Variants in VPS8 observed in about 807,000 individuals in gnomAD.
VPS8 encodes VPS8 subunit of CORVET complex.
VPS8 carries 129 observed loss-of-function variants against 216.4 expected under a neutral mutation model. That is an observed-to-expected ratio of 0.60 (90% confidence interval 0.52 to 0.69). VPS8 has a LOEUF of 0.69. Ranked by LOEUF, VPS8 falls within the 30% of genes least tolerant of loss-of-function variation. The probability of loss-of-function intolerance (pLI) is 0.00; values close to 1 mark genes in which losing one functional copy is unlikely to be tolerated. For synonymous variants in VPS8, 571 were observed against 565.4 expected (o/e 1.01, Z -0.14); for missense variants, 1,531 against 1,683.5 (o/e 0.91, Z 1.59).
At chr3:184,926,328 G>T (rs1739628359) in intron 30 of VPS8, among the ~76,000 whole-genome samples, 1 of 151,744 alleles carries the variant, frequency 6.6e-6, no homozygotes, top group African/African-American at 2.4e-5. Context: ...AGTGAACTGA[G>T]ATCGCGCCAC....
intron 36 of VPS8, among the ~76,000 whole-genome samples, chr3:184,954,018 G>A (rs1298775283): frequency 6.6e-6 from 1 of 152,178 alleles, no homozygotes; most frequent in South Asian, 2.1e-4. Context: ...TGACCAACTA[G>A]GACTTTAAAT....
At chr3:184,936,375 G>A (rs1330725022) in intron 35 of VPS8, 40 bp downstream of exon 35, 1 of 1,521,970 alleles carries the variant, frequency 6.6e-7, no homozygotes, top group Admixed American at 1.9e-5. Context: ...AATATCTAGT[G>A]GAAAGACAAT....
chr3:184,849,921 T>C lies in VPS8; in HGVS notation c.667-15T>C. The C allele has an allele frequency of 6.2e-7, 1 of 1,604,656 alleles. No individual in the cohort carries two copies. The highest frequency in any genetic ancestry group is 8.5e-7 in the Non-Finnish European group (1 of 1,175,410). On this transcript the variant is annotated splice_polypyrimidine_tract_variant and intron_variant, in intron 9 of 47. Coordinates refer to ENST00000625842, the MANE Select transcript of VPS8 (RefSeq NM_001009921.3). ...AGCAATAAATTTGTTTTTGAAGCAC[T>C]TAGTTGTCTTATAGATCACCATGTG...
At chr3:184,892,554 A>T (rs933515971) in intron 22 of VPS8, among the ~76,000 whole-genome samples, 17 of 152,128 alleles carry the variant, frequency 1.1e-4, no homozygotes, top group Admixed American at 9.2e-4. Flanking sequence ...CTCTTTCCTG[A>T]TGCACTAATA....
intron 46 of VPS8, among the ~76,000 whole-genome samples, chr3:185,043,816 C>A (rs1157743894): frequency 6.6e-6 from 1 of 152,224 alleles, no homozygotes; most frequent in Admixed American, 6.5e-5. Context: ...AGGTGTCCGT[C>A]AGTTTCACAG....
In VPS8 at chr3:184,853,755, AAGGAGGT is replaced by A. The variant is rs1724734390; in HGVS notation, c.822-88_822-82del. The A allele has an allele frequency of 8.4e-6, 10 of 1,187,124 alleles. No individual in the cohort carries two copies. The Admixed American group carries it at 8.7e-5, about 10-fold the overall frequency. 73.5% of individuals were successfully genotyped at this position (1,187,124 alleles called of 1,614,324 possible). A position where few individuals can be genotyped will look rare whatever the true frequency, so the allele number is the denominator to read the frequency against. ...TGTGGAGCTTGGATTGTTGGGGGTTAAGGAGGTAGGAGGTAGGAGGCTATGAAAGTAG... is the reference window on the plus strand; with the variant it reads ...TGTGGAGCTTGGATTGTTGGGGGTTAAGGAGGTAGGAGGCTATGAAAGTAG... On this transcript the variant is annotated intron_variant, in intron 11 of 47. Transcript: ENST00000625842.
chr3:184,952,302 T>TAAAA (rs1171957411), intron 36 of VPS8, among the ~76,000 whole-genome samples: 127 of 152,302 alleles, frequency 8.3e-4, no homozygotes, highest in South Asian at 2.1e-3. Flanking sequence ...GTGGGGATTT[T>TAAAA]TCCCCACACA....
chr3:184,944,460 C>G, intron 36 of VPS8: 1 of 979,108 alleles, frequency 1.0e-6, no homozygotes, highest in Non-Finnish European at 1.2e-6. Flanking sequence ...CATGAATTCT[C>G]ACAGGAGTTC....
chr3:184,922,842 T>C (rs1004067372), intron 29 of VPS8, among the ~76,000 whole-genome samples: 1 of 152,088 alleles, frequency 6.6e-6, no homozygotes, highest in African/African-American at 2.4e-5. Flanking sequence ...CCAGAAAATT[T>C]GTAAGCATGG....
Position 184,834,704 on chromosome 3 carries a change from C to T in VPS8, c.409C>T (p.Leu137Phe). ...TCATGGATCAGTTATGCGCCATTCA[C>T]TTTTGAAGGGAATTTCTGCCCAGAT... is the stretch of plus-strand genomic sequence containing the variant. ...SLHGSVMRHSLLKGISAQIVS... is the reference protein window; with the variant it reads ...SLHGSVMRHSFLKGISAQIVS... Residue 137 changes from leucine to phenylalanine, a missense_variant, in exon 5 of 48, where the codon CTT becomes TTT. By Grantham distance (22) the Leu-to-Phe change is conservative. Coordinates refer to ENST00000625842, the MANE Select transcript of VPS8 (RefSeq NM_001009921.3). The T allele has an allele frequency of 6.4e-7, 1 of 1,564,434 alleles. No homozygotes were observed. Among genetic ancestry groups the T allele is most frequent in the Non-Finnish European group, 8.7e-7 (1 of 1,153,094 alleles).
chr3:184,848,513 A>G (rs79527940), intron 8 of VPS8, among the ~76,000 whole-genome samples: 6,435 of 147,382 alleles, frequency 0.044, 444 homozygotes, highest in African/African-American at 0.15. Flanking sequence ...TTGGCTTATC[A>G]TTAGCATTTT....
At chr3:185,038,989 G>T (rs1759274271) in intron 46 of VPS8, among the ~76,000 whole-genome samples, 1 of 152,160 alleles carries the variant, frequency 6.6e-6, no homozygotes, top group Non-Finnish European at 1.5e-5. Flanking sequence ...CTAGGACTTA[G>T]CCCCAGCAAC....
At position 184,902,920 on chromosome 3, in the gene VPS8, T is replaced by C. The variant is rs932466788; in HGVS notation, c.2146+1948T>C. Among the ~76,000 whole-genome samples, 6 of 152,328 alleles carry C rather than the reference T, an allele frequency of 3.9e-5. No homozygotes were observed. In the South Asian group the frequency reaches 8.3e-4, roughly 21 times the overall value. On this transcript the variant is annotated intron_variant, in intron 25 of 47. Transcript: ENST00000625842. ...TATAGAAATTTAATAGCTTTAACTC[T>C]TGCATTTAGGTCTATAATTCGTTTC... is the stretch of plus-strand genomic sequence containing the variant.
rs771874222 is a variant in VPS8, at chr3:184,824,754, T to C, written c.122T>C (p.Met41Thr). 2.5e-6 allele frequency: 4 copies of C among 1,613,104 alleles called. No individual in the cohort carries two copies. Among genetic ancestry groups the C allele is most frequent in the Non-Finnish European group, 2.5e-6 (3 of 1,179,414 alleles). ...ASLSKFSYID[M>T]DKELEFKNDL... ...CTTTCAAAATTCTCTTACATAGATATGGACAAGGAACTGGAGTTCAAAAAT... is the reference window on the plus strand; with the variant it reads ...CTTTCAAAATTCTCTTACATAGATACGGACAAGGAACTGGAGTTCAAAAAT... Residue 41 changes from methionine to threonine, a missense_variant, in exon 2 of 48, where the codon ATG becomes ACG. This residue lies in a region of VPS8 where 199 missense variants were observed against 182.2 expected (regional missense o/e 1.09). Transcript: ENST00000625842.
chr3:184,998,809 T>A (rs1484702595), intron 44 of VPS8, among the ~76,000 whole-genome samples: 1 of 152,074 alleles, frequency 6.6e-6, no homozygotes, highest in Non-Finnish European at 1.5e-5. Flanking sequence ...ATCACAACCC[T>A]TGCCTTGAAT....
chr3:184,932,954 T>C (rs74446043), intron 34 of VPS8, among the ~76,000 whole-genome samples: 212 of 152,334 alleles, frequency 1.4e-3, no homozygotes, highest in African/African-American at 5.0e-3. Context: ...CCACATACAT[T>C]TCTCTAAGGC....
At chr3:184,823,719 A>G (rs947872608) in intron 1 of VPS8, among the ~76,000 whole-genome samples, 2 of 152,238 alleles carry the variant, frequency 1.3e-5, no homozygotes, top group African/African-American at 2.4e-5. Context: ...AAGTAAAATC[A>G]TTTAAAAGCA....
chr3:184,981,480 C>G (rs1350218970), intron 40 of VPS8, among the ~76,000 whole-genome samples: 3 of 138,436 alleles, frequency 2.2e-5, no homozygotes, highest in Non-Finnish European at 4.5e-5. Context: ...CTTGCCCAGG[C>G]TGCAGTGCAA....
intron 42 of VPS8, among the ~76,000 whole-genome samples, chr3:184,989,796 GA>G (rs1751625248): frequency 6.6e-6 from 1 of 152,088 alleles, no homozygotes; most frequent in Non-Finnish European, 1.5e-5. Context: ...CCTCAGCCGG[GA>G]TGTGGTGGCT....
Sources: allele counts gnomAD v4.1 joint callset (sites outside exome capture counted in the v4.1 genomes callset), GRCh38; gene constraint gnomAD v4.1.1; regional missense constraint gnomAD v4.1.1; transcripts MANE v1.5; gene names NCBI Gene and HGNC (gene_info 2026-07-23, HGNC 2026-07-21).